The following TMEM123 variants were observed in gnomAD, a reference collection of about 807,000 sequenced individuals.
TMEM123 encodes transmembrane protein 123.
Under a neutral mutation model 19.7 loss-of-function variants are expected in TMEM123, and 16 were observed. The observed-to-expected ratio is 0.81, with a 90% confidence interval of 0.55 to 1.23. The LOEUF (loss-of-function observed/expected upper bound fraction) is 1.23. Among genes scored for constraint, TMEM123 ranks in the 50% most tolerant of loss-of-function variants. TMEM123 has a pLI of 0.00. For missense variants in TMEM123, 313 were observed against 257.8 expected (o/e 1.21, Z -1.47); for synonymous variants, 118 against 99.4 (o/e 1.19, Z -1.12).
intron 1 of TMEM123, among the ~76,000 whole-genome samples, chr11:102,451,529 T>G (rs897116720): frequency 3.3e-5 from 5 of 152,222 alleles, no homozygotes; most frequent in African/African-American, 9.6e-5. Context: ...TTTTGCTGGA[T>G]AAAACGAACC....
At chr11:102,406,350 C>A (rs557896073) in intron 2 of TMEM123, among the ~76,000 whole-genome samples, 1 of 152,226 alleles carries the variant, frequency 6.6e-6, no homozygotes, top group East Asian at 1.9e-4. Flanking sequence ...TAGGGCACTA[C>A]CTGAAGAGCT....
chr11:102,409,791 G>A (rs1951987621), intron 2 of TMEM123, among the ~76,000 whole-genome samples: 1 of 151,942 alleles, frequency 6.6e-6, no homozygotes, highest in African/African-American at 2.4e-5. Flanking sequence ...CTTGAACCTG[G>A]GAGGCAGAGG....
chr11:102,431,170 T>TA lies in TMEM123; in HGVS notation c.157+17641dup, dbSNP rs918270635. Among the ~76,000 whole-genome samples, 915 of 151,532 alleles carry TA rather than the reference T, an allele frequency of 6.0e-3. 6 individuals are homozygous for TA. Among genetic ancestry groups the TA allele is most frequent in the African/African-American group, 0.02 (844 of 41,342 alleles). On this transcript the variant is annotated intron_variant, in intron 2 of 4. Coordinates refer to ENST00000398136, the MANE Select transcript of TMEM123 (RefSeq NM_052932.3). Reference sequence around the variant, plus strand: ...AACTAAAAATAGTCGGTGGGATACTTAAAAAAAAACTGTATTTATGGTGTA... The same window carrying TA: ...AACTAAAAATAGTCGGTGGGATACTTAAAAAAAAAACTGTATTTATGGTGTA...
chr11:102,406,815 G>A (rs918408105), intron 2 of TMEM123, among the ~76,000 whole-genome samples: 1 of 151,074 alleles, frequency 6.6e-6, no homozygotes, highest in Non-Finnish European at 1.5e-5. Context: ...AGCTTGCAGT[G>A]AGCTGAGATT....
chr11:102,448,940 G>C, intron 1 of TMEM123, 72 bp from the exon 2 acceptor site: 1 of 1,484,044 alleles, frequency 6.7e-7, no homozygotes, highest in East Asian at 2.3e-5. Context: ...GTGGTTTTCT[G>C]CCTAGCGGGA....
At chr11:102,442,281 G>A (rs1039066204) in intron 2 of TMEM123, among the ~76,000 whole-genome samples, 27 of 152,140 alleles carry the variant, frequency 1.8e-4, no homozygotes, top group Admixed American at 2.6e-4. Context: ...GATGAATATC[G>A]ATGCAAAAAT....
intron 2 of TMEM123, among the ~76,000 whole-genome samples, chr11:102,407,279 T>C (rs1591554543): frequency 6.6e-6 from 1 of 152,232 alleles, no homozygotes; most frequent in East Asian, 1.9e-4. Context: ...TTTGAATCAC[T>C]GTAGAGTTTT....
intron 2 of TMEM123, among the ~76,000 whole-genome samples, chr11:102,420,976 G>C (rs1277881348): frequency 6.6e-6 from 1 of 152,218 alleles, no homozygotes; most frequent in African/African-American, 2.4e-5. Context: ...GAACTCAGGA[G>C]GCGGAGGTTG....
chr11:102,425,864 G>A (rs1038351686), intron 2 of TMEM123, among the ~76,000 whole-genome samples: 1 of 152,064 alleles, frequency 6.6e-6, no homozygotes, highest in African/African-American at 2.4e-5. Context: ...GAGCCATTGT[G>A]CCCGGCCCTC....
chr11:102,434,488 C>CGTTT (rs1285609834), intron 2 of TMEM123, among the ~76,000 whole-genome samples: 1 of 151,826 alleles, frequency 6.6e-6, no homozygotes, highest in Non-Finnish European at 1.5e-5. Flanking sequence ...TATTTTAATA[C>CGTTT]TAACCCTTTA....
Position 102,408,159 on chromosome 11 carries a change from C to T in TMEM123, c.158-5953G>A, listed in dbSNP as rs550259349. ...CTCCTGGTTTCAACTAACATAATTA[C>T]AGGAAAAATGAAGCAAAGGGCTGTA... On this transcript the variant is annotated intron_variant, in intron 2 of 4. Transcript: ENST00000398136. Among the ~76,000 whole-genome samples the T allele has an allele frequency of 2.0e-5, 3 of 152,206 alleles. No homozygotes were observed. In the South Asian group the frequency reaches 6.2e-4, roughly 32 times the overall value.
intron 2 of TMEM123, among the ~76,000 whole-genome samples, chr11:102,419,894 G>A (rs938238648): frequency 5.3e-5 from 8 of 152,180 alleles, no homozygotes; most frequent in African/African-American, 1.9e-4. Context: ...GGCAGAAAAT[G>A]AACTGCTTCT....
intron 4 of TMEM123, 73 bp downstream of exon 4, chr11:102,401,466 C>A: frequency 7.3e-7 from 1 of 1,375,102 alleles, no homozygotes; most frequent in South Asian, 1.6e-5. Flanking sequence ...TGAGCACTGG[C>A]TTGATATTCT....
At chr11:102,440,509 T>C (rs1194932454) in intron 2 of TMEM123, among the ~76,000 whole-genome samples, 10 of 152,282 alleles carry the variant, frequency 6.6e-5, no homozygotes, top group South Asian at 6.2e-4. Context: ...CTGAGAGATT[T>C]TGTCACCACC....
At chr11:102,435,716 A>G (rs938819255) in intron 2 of TMEM123, among the ~76,000 whole-genome samples, 3 of 151,992 alleles carry the variant, frequency 2.0e-5, no homozygotes, top group African/African-American at 7.2e-5. Flanking sequence ...CATATGTGAC[A>G]TACCCATAGC....
At chr11:102,426,275 CAAT>C (rs1277798215) in intron 2 of TMEM123, among the ~76,000 whole-genome samples, 7 of 152,098 alleles carry the variant, frequency 4.6e-5, no homozygotes, top group South Asian at 2.1e-4. Context: ...TCGTTCTTAA[CAAT>C]AATAACAGTT....
intron 2 of TMEM123, among the ~76,000 whole-genome samples, chr11:102,411,711 C>T (rs1055247047): frequency 2.0e-5 from 3 of 151,376 alleles, no homozygotes; most frequent in Admixed American, 6.6e-5. Flanking sequence ...CATCTGGTGT[C>T]GGAAGTGCCG....
intron 2 of TMEM123, among the ~76,000 whole-genome samples, chr11:102,414,315 A>G (rs1284294933): frequency 6.6e-6 from 1 of 152,184 alleles, no homozygotes; most frequent in Non-Finnish European, 1.5e-5. Context: ...CAAACTCACT[A>G]AAGAGGTCAA....
chr11:102,424,746 T>C (rs12293834), intron 2 of TMEM123, among the ~76,000 whole-genome samples: 8,873 of 151,948 alleles, frequency 0.058, 290 homozygotes, highest in Non-Finnish European at 0.073. Flanking sequence ...ACCCTGAGTT[T>C]CATTCTAAGA....
Sources: allele counts gnomAD v4.1 joint callset (sites outside exome capture counted in the v4.1 genomes callset), GRCh38; gene constraint gnomAD v4.1.1; transcripts MANE v1.5; gene names NCBI Gene and HGNC (gene_info 2026-07-23, HGNC 2026-07-21).